NPAT: variants seen among roughly 807,000 people sequenced by gnomAD.
NPAT encodes nuclear protein, coactivator of histone transcription.
A neutral mutation model predicts 130.7 loss-of-function variants in NPAT; 52 were observed. That is an observed-to-expected ratio of 0.40 (90% CI 0.32 to 0.50). NPAT has a LOEUF of 0.50. Among genes scored for constraint, NPAT ranks in the 20% least tolerant of loss-of-function variants. The pLI is 0.68. For synonymous variants in NPAT, 580 were observed against 584.8 expected (o/e 0.99, Z 0.12); for missense variants, 1,687 against 1,662.6 (o/e 1.01, Z -0.26).
intron 8 of NPAT, 73 bp downstream of exon 8, chr11:108,186,409 T>C: frequency 2.7e-6 from 3 of 1,093,330 alleles, no homozygotes; most frequent in Non-Finnish European, 2.8e-6. Context: ...CACACATACA[T>C]ACATTTGTGT....
At chr11:108,207,517 T>C (rs2078340365) in intron 1 of NPAT, among the ~76,000 whole-genome samples, 1 of 152,234 alleles carries the variant, frequency 6.6e-6, no homozygotes, top group Non-Finnish European at 1.5e-5. Context: ...GCCTCCCTCA[T>C]GTGCTCATCA....
At chr11:108,218,827 G>T (rs1310760102) in intron 1 of NPAT, among the ~76,000 whole-genome samples, 5 of 152,172 alleles carry the variant, frequency 3.3e-5, no homozygotes, top group Admixed American at 6.5e-5. Flanking sequence ...TTTATGAAGG[G>T]TAACAGTTGG....
intron 8 of NPAT, among the ~76,000 whole-genome samples, chr11:108,185,706 T>C (rs937944557): frequency 2.0e-5 from 3 of 152,226 alleles, no homozygotes; most frequent in Admixed American, 6.5e-5. Flanking sequence ...AACTCTTTCT[T>C]ATACAGTTCC....
intron 13 of NPAT, 136 bp from the exon 14 acceptor site, chr11:108,170,179 C>T: frequency 1.6e-6 from 1 of 632,400 alleles, no homozygotes. Context: ...GATCCACTCT[C>T]CAAAAACAAA....
At position 108,161,604 on chromosome 11, in the gene NPAT, T is replaced by C. The variant is rs377418446; in HGVS notation, c.3482A>G (p.His1161Arg). ...ATTCTCCTTATTAGCTGTTGCTTTATGGAAAGATTCAAGCACAATTTCTGT... is the reference window on the plus strand; with the variant it reads ...ATTCTCCTTATTAGCTGTTGCTTTACGGAAAGATTCAAGCACAATTTCTGT... ...SPTEIVLESF[H>R]KATANKENEL... Residue 1161 changes from histidine to arginine, a missense_variant, in exon 17 of 18, where the codon CAT becomes CGT. This residue lies in a region of NPAT where 1,379 missense variants were observed against 1,346.6 expected (regional missense o/e 1.02). Transcript: ENST00000278612. 7.1e-5 allele frequency: 114 copies of C among 1,614,208 alleles called. 1 individual carries two copies. Among genetic ancestry groups the C allele is most frequent in the Admixed American group, 3.8e-4 (23 of 60,028 alleles).
chr11:108,166,119 C>A (rs182333538), intron 15 of NPAT, among the ~76,000 whole-genome samples: 1 of 150,644 alleles, frequency 6.6e-6, no homozygotes. Context: ...CCAGGCCAGG[C>A]GTGGTGGCTC....
chr11:108,198,530 A>G (rs189167359), intron 1 of NPAT, among the ~76,000 whole-genome samples: 1 of 152,272 alleles, frequency 6.6e-6, no homozygotes, highest in Admixed American at 6.5e-5. Flanking sequence ...GTACCCGGTG[A>G]AACCCGACAA....
chr11:108,181,200 A>C (rs2078054862), intron 10 of NPAT, among the ~76,000 whole-genome samples: 3 of 152,230 alleles, frequency 2.0e-5, no homozygotes, highest in African/African-American at 7.2e-5. Flanking sequence ...GTGGTGGCTC[A>C]CACCTGTAAT....
chr11:108,169,224 C>T (rs2077927683), intron 15 of NPAT, among the ~76,000 whole-genome samples: 1 of 152,134 alleles, frequency 6.6e-6, no homozygotes, highest in Non-Finnish European at 1.5e-5. Flanking sequence ...AAACAGGGAA[C>T]ACAGGAAGGT....
In NPAT at chr11:108,173,591, G is replaced by T. The variant is rs776194539; in HGVS notation, c.1393C>A (p.Pro465Thr). 6.2e-7 allele frequency: 1 copy of T among 1,614,140 alleles called. No individual in the cohort carries two copies. The highest frequency in any genetic ancestry group is 8.5e-7 in the Non-Finnish European group (1 of 1,180,018). ...TTGGTGTATAATTCAGCACAATGTG[G>T]ATTACATTCAGCATTAGAATTCCCT... is the stretch of plus-strand genomic sequence containing the variant. ...QRGNSNAECN[P>T]HCAELYTNQM... Residue 465 changes from proline (P) to threonine (T), a missense_variant, in exon 13 of 18, where the codon CCA becomes ACA. Pro to Thr is a conservative substitution (Grantham distance 38). Transcript: ENST00000278612.
In NPAT at chr11:108,186,566, T is replaced by G. The variant is rs2134858201; in HGVS notation, c.642A>C (p.Glu214Asp). ...ACAAAGTGGTACTTTTTCTCTGAGA[T>G]TCACTGAAACACATTTTAAAAGCTT... The part of the protein sequence containing the change: ...SLMSPGRRKS[E>D]SQRKSTTLSG... Residue 214 changes from glutamate (E) to aspartate (D), a missense_variant, in exon 8 of 18, where the codon GAA becomes GAC. Around this residue, in one of 3 missense-constraint regions of NPAT, gnomAD observed 307 missense variants for 298.9 expected, o/e 1.03. Transcript: ENST00000278612. The G allele has an allele frequency of 6.2e-7, 1 of 1,612,970 alleles. No individual in the cohort carries two copies. The highest frequency in any genetic ancestry group is 8.5e-7 in the Non-Finnish European group (1 of 1,179,032).
Position 108,171,102 on chromosome 11 carries a change from C to T in NPAT, c.2786-1059G>A, listed in dbSNP as rs1054294375. The T allele has an allele frequency of 2.7e-5, 4 of 148,242 alleles. No individual in the cohort carries two copies. In the Admixed American group the frequency reaches 2.7e-4, roughly 10 times the overall value. 9.2% of individuals were successfully genotyped at this position (148,242 alleles called of 1,614,324 possible). A position where few individuals can be genotyped will look rare whatever the true frequency, so the allele number is the denominator to read the frequency against. On this transcript the variant is annotated intron_variant, in intron 13 of 17. Transcript: ENST00000278612. The stretch of plus-strand genomic sequence containing the variant: ...ATAACACAGCACGCAATAAATGCCA[C>T]AAGAGCCCCTATGAAAAAAGGATTT...
At position 108,177,099 on chromosome 11, in the gene NPAT, A is replaced by G. The variant is rs766201199; in HGVS notation, c.907-9T>C. On this transcript the variant is annotated splice_polypyrimidine_tract_variant and intron_variant, in intron 10 of 17. Transcript: ENST00000278612. Reference sequence around the variant, plus strand: ...GACATGTGAATTTCACTCTGCAAGAAAGGAGTGGCGTGAAGGCATGATTCT... The same window carrying G: ...GACATGTGAATTTCACTCTGCAAGAGAGGAGTGGCGTGAAGGCATGATTCT... 1.3e-5 allele frequency: 20 copies of G among 1,542,936 alleles called. No individual in the cohort carries two copies. The highest frequency in any genetic ancestry group is 1.8e-5 in the Non-Finnish European group (20 of 1,116,070).
intron 1 of NPAT, among the ~76,000 whole-genome samples, chr11:108,212,450 G>A (rs1233924635): frequency 1.5e-4 from 23 of 151,698 alleles, no homozygotes; most frequent in Admixed American, 1.3e-3. Context: ...GCTTGAATCC[G>A]GGAGGTGGAG....
chr11:108,222,604 C>T lies in NPAT; in HGVS notation c.-68G>A. The T allele has an allele frequency of 6.4e-7, 1 of 1,563,104 alleles. No homozygotes were observed. Among genetic ancestry groups the T allele is most frequent in the Non-Finnish European group, 8.8e-7 (1 of 1,138,714 alleles). On this transcript the variant is annotated 5_prime_UTR_variant, in exon 1 of 18. Transcript: ENST00000278612. The stretch of plus-strand genomic sequence containing the variant: ...GGTTAAAGCAAACACAGCGACAGCT[C>T]CTGCGCCGCATCTCCTGGTTCCAGT...
At position 108,197,323 on chromosome 11, in the gene NPAT, C is replaced by A. The variant is rs184698671; in HGVS notation, c.135G>T (p.Gly45=). The change falls in exon 2 of 18, where the codon GGG becomes GGT. Residue 45 remains glycine, a synonymous_variant. Transcript: ENST00000278612. ...TCACCAGTAAGCAGGCTGGAATAAACCCTTCATCTGTACAATGTTCTGCAT... is the reference window on the plus strand; with the variant it reads ...TCACCAGTAAGCAGGCTGGAATAAAACCTTCATCTGTACAATGTTCTGCAT... ...KEYAEHCTDE[G]FIPACLLSLF... The A allele has an allele frequency of 5.6e-6, 9 of 1,606,512 alleles. No homozygotes were observed. The highest frequency in any genetic ancestry group is 5.4e-5 in the African/African-American group (4 of 74,758).
At position 108,190,424 on chromosome 11, in the gene NPAT, A is replaced by C. The variant is rs765928573; in HGVS notation, c.331+36T>G. On this transcript the variant is annotated intron_variant, in intron 5 of 17. Transcript: ENST00000278612. ...TGTTCATCTGATAGTTTAAGTTTGAAGTAATTGTGAACATTGTTTAAAGTT... is the reference window on the plus strand; with the variant it reads ...TGTTCATCTGATAGTTTAAGTTTGACGTAATTGTGAACATTGTTTAAAGTT... 13 of 1,561,358 alleles carry C rather than the reference A, an allele frequency of 8.3e-6. No homozygotes were observed. The South Asian group carries it at 1.4e-4, about 17-fold the overall frequency.
At chr11:108,165,842 C>T (rs1174342719) in intron 15 of NPAT, among the ~76,000 whole-genome samples, 1 of 151,872 alleles carries the variant, frequency 6.6e-6, no homozygotes, top group Non-Finnish European at 1.5e-5. Context: ...ACCGTATCAG[C>T]CAGGATGGTC....
intron 12 of NPAT, among the ~76,000 whole-genome samples, 186 bp from the exon 13 acceptor site, chr11:108,174,037 T>C (rs1373101328): frequency 6.6e-6 from 1 of 152,236 alleles, no homozygotes; most frequent in Non-Finnish European, 1.5e-5. Flanking sequence ...TTCTAGTTAC[T>C]GATGACTTTT....
Sources: allele counts gnomAD v4.1 joint callset (sites outside exome capture counted in the v4.1 genomes callset), GRCh38; gene constraint gnomAD v4.1.1; regional missense constraint gnomAD v4.1.1; transcripts MANE v1.5; gene names NCBI Gene and HGNC (gene_info 2026-07-23, HGNC 2026-07-21).